Variants in GPHN observed in about 807,000 individuals in gnomAD.
GPHN encodes gephyrin.
Under a neutral mutation model 95.5 loss-of-function variants are expected in GPHN, and 17 were observed. That is an observed-to-expected ratio of 0.18 (90% confidence interval 0.12 to 0.27). The LOEUF (loss-of-function observed/expected upper bound fraction) is 0.27, where lower values mean the gene tolerates loss of function less well. GPHN is among the 10% of genes least tolerant of loss of function. GPHN has a pLI of 1.00. For missense variants in GPHN, 660 were observed against 978.1 expected (o/e 0.67, Z 4.34); for synonymous variants, 320 against 322.5 (o/e 0.99, Z 0.08).
At chr14:67,289,816 G>C in the GPHN span, among the ~76,000 whole-genome samples, 1 of 136,038 alleles carries the variant, frequency 7.4e-6, no homozygotes, top group Non-Finnish European at 1.5e-5. Flanking sequence ...TGTCGCCCAA[G>C]CTGGAGTGCA....
At chr14:67,068,227 T>C (rs1415961134) in intron 11 of GPHN, among the ~76,000 whole-genome samples, 1 of 152,216 alleles carries the variant, frequency 6.6e-6, no homozygotes, top group African/African-American at 2.4e-5. Context: ...ATTATTCTTA[T>C]AAAGCAAGTG....
chr14:67,012,335 A>T (rs1466574871), intron 9 of GPHN, among the ~76,000 whole-genome samples: 1 of 152,074 alleles, frequency 6.6e-6, no homozygotes, highest in Non-Finnish European at 1.5e-5. Context: ...TTCAATAAAC[A>T]ACAAAAATTG....
the GPHN span, among the ~76,000 whole-genome samples, chr14:67,511,379 C>T: frequency 1.3e-5 from 2 of 152,068 alleles, no homozygotes; most frequent in African/African-American, 4.8e-5. Flanking sequence ...AACTGTCATG[C>T]TTCTAGAAGA....
At chr14:67,092,078 A>C (rs1005702247) in intron 12 of GPHN, among the ~76,000 whole-genome samples, 8 of 152,118 alleles carry the variant, frequency 5.3e-5, no homozygotes, top group African/African-American at 1.9e-4. Flanking sequence ...TAATTAAAGA[A>C]GCAAAAGTCT....
chr14:66,773,566 C>T (rs996400622), intron 2 of GPHN, among the ~76,000 whole-genome samples: 1 of 151,992 alleles, frequency 6.6e-6, no homozygotes, highest in African/African-American at 2.4e-5. Flanking sequence ...GTTGGTCAGG[C>T]TGGTCTTGAA....
At chr14:67,648,231 G>A in the GPHN span, 1 of 1,565,000 alleles carries the variant, frequency 6.4e-7, no homozygotes. Flanking sequence ...AGGTAAATAT[G>A]CTAGAGTCTC....
At chr14:67,263,365 A>G in the GPHN span, among the ~76,000 whole-genome samples, 1 of 152,166 alleles carries the variant, frequency 6.6e-6, no homozygotes, top group Non-Finnish European at 1.5e-5. Flanking sequence ...GGGAGTACTT[A>G]AGGTCAGAGC....
chr14:66,595,648 G>A (rs903806660), intron 1 of GPHN, among the ~76,000 whole-genome samples: 7 of 152,176 alleles, frequency 4.6e-5, no homozygotes, highest in Non-Finnish European at 7.3e-5. Context: ...ACTGCAAGCA[G>A]CTTCCATGGC....
chr14:67,150,593 T>G (rs906855347), intron 18 of GPHN, among the ~76,000 whole-genome samples: 4 of 151,942 alleles, frequency 2.6e-5, no homozygotes, highest in African/African-American at 7.3e-5. Flanking sequence ...CCTATAGAAG[T>G]TTAGGAAAAA....
At chr14:67,561,932 C>G in the GPHN span, 2 of 1,562,362 alleles carry the variant, frequency 1.3e-6, no homozygotes, top group Non-Finnish European at 1.8e-6. Flanking sequence ...TGTCCTAAAT[C>G]TTCATTTTTC....
chr14:67,244,416 G>C, the GPHN span, among the ~76,000 whole-genome samples: 20 of 152,294 alleles, frequency 1.3e-4, no homozygotes, highest in East Asian at 1.5e-3. Context: ...ACTGGGCATC[G>C]TAAGATTTTA....
intron 1 of GPHN, among the ~76,000 whole-genome samples, chr14:66,656,983 G>A (rs1263603045): frequency 1.3e-5 from 2 of 152,206 alleles, no homozygotes; most frequent in Non-Finnish European, 2.9e-5. Flanking sequence ...AGAAAGGCAT[G>A]TCACAAGCCA....
chr14:67,497,904 T>C, the GPHN span, among the ~76,000 whole-genome samples: 1 of 152,132 alleles, frequency 6.6e-6, no homozygotes, highest in African/African-American at 2.4e-5. Flanking sequence ...CTGCCTTCTG[T>C]ATGGTTGTGC....
the GPHN span, among the ~76,000 whole-genome samples, chr14:67,188,865 T>A: frequency 7.9e-5 from 12 of 151,928 alleles, no homozygotes; most frequent in Non-Finnish European, 1.3e-4. Flanking sequence ...TCTTTTTCTT[T>A]CTTTCAATAG....
the GPHN span, among the ~76,000 whole-genome samples, chr14:67,284,160 AT>A: frequency 6.6e-6 from 1 of 152,180 alleles, no homozygotes; most frequent in African/African-American, 2.4e-5. Flanking sequence ...CAGAGAGATC[AT>A]CTAACTCTGT....
intron 18 of GPHN, 113 bp downstream of exon 18, chr14:67,143,562 A>C: frequency 1.3e-6 from 1 of 777,838 alleles, no homozygotes; most frequent in East Asian, 2.5e-5. Flanking sequence ...CACAAAGCTG[A>C]AAATCCATGG....
At chr14:67,407,830 G>A in the GPHN span, among the ~76,000 whole-genome samples, 1 of 152,222 alleles carries the variant, frequency 6.6e-6, no homozygotes, top group African/African-American at 2.4e-5. Context: ...GATGCCAGCT[G>A]GGCCCAGTGG....
At chr14:67,174,010 A>G (rs1184649514) in intron 21 of GPHN, among the ~76,000 whole-genome samples, 1 of 152,216 alleles carries the variant, frequency 6.6e-6, no homozygotes, top group East Asian at 1.9e-4. Context: ...GAAGGGGAAA[A>G]AAAGAAATAA....
intron 2 of GPHN, among the ~76,000 whole-genome samples, chr14:66,766,046 C>T (rs1041051048): frequency 1.3e-5 from 2 of 152,092 alleles, no homozygotes; most frequent in African/African-American, 4.8e-5. Context: ...GATAATGGTT[C>T]TTGGGAGAAC....
Sources: allele counts gnomAD v4.1 joint callset (sites outside exome capture counted in the v4.1 genomes callset), GRCh38; gene constraint gnomAD v4.1.1; transcripts MANE v1.5; gene names NCBI Gene and HGNC (gene_info 2026-07-23, HGNC 2026-07-21).